Variants in GSK3B observed in about 807,000 individuals in gnomAD.
GSK3B encodes the protein glycogen synthase kinase-3 beta.
GSK3B carries 15 observed loss-of-function variants against 56.4 expected under a neutral mutation model. The observed-to-expected ratio is 0.27, with a 90% CI of 0.18 to 0.41. The LOEUF (loss-of-function observed/expected upper bound fraction) is 0.41. Among genes scored for constraint, GSK3B ranks in the 10% least tolerant of loss-of-function variants. The pLI is 1.00. For missense variants in GSK3B, 300 were observed against 513.4 expected, an observed-to-expected ratio of 0.58 and a Z score of 4.02; for synonymous variants, 181 against 188.9, an observed-to-expected ratio of 0.96 and a Z score of 0.34.
At chr3:119,985,007 T>A (rs908625742) in intron 2 of GSK3B, among the ~76,000 whole-genome samples, 13 of 152,182 alleles carry the variant, frequency 8.5e-5, no homozygotes, top group Non-Finnish European at 1.5e-4. Context: ...CCAGCAGGCT[T>A]CATCCCTGGA....
At position 119,822,156 on chromosome 3, in the gene GSK3B, ATAATGT is replaced by A. The variant is rs1169603625; in HGVS notation, c.*4626_*4631del. On this transcript the variant is annotated 3_prime_UTR_variant, in exon 11 of 11. Transcript: ENST00000264235. ...CAGTCACAGAGGCATTCAAGTAGTA[ATAATGT>A]TATACAGATTTTGCTTTTCCTTTAT... is the stretch of plus-strand genomic sequence containing the variant. 1 of 193,812 alleles carries A rather than the reference ATAATGT, an allele frequency of 5.2e-6. No individual in the cohort carries two copies. Among genetic ancestry groups the A allele is most frequent in the Non-Finnish European group, 1.1e-5 (1 of 93,552 alleles). The allele number at this position is 193,812 out of a possible 1,614,324, so 12.0% of individuals were successfully genotyped here. A position where few individuals can be genotyped will look rare whatever the true frequency, so the allele number is the denominator to read the frequency against.
At chr3:119,838,194 C>T (rs915567865) in intron 10 of GSK3B, among the ~76,000 whole-genome samples, 1 of 151,788 alleles carries the variant, frequency 6.6e-6, no homozygotes, top group South Asian at 2.1e-4. Context: ...AAGGCTGAGG[C>T]ATGAGAATCA....
chr3:119,906,672 C>G (rs2056685781), intron 6 of GSK3B, among the ~76,000 whole-genome samples: 1 of 152,016 alleles, frequency 6.6e-6, no homozygotes, highest in Non-Finnish European at 1.5e-5. Flanking sequence ...ATTAAGACTT[C>G]CTACAAGAAA....
intron 3 of GSK3B, among the ~76,000 whole-genome samples, chr3:119,927,497 G>T (rs2056899614): frequency 6.6e-6 from 1 of 152,174 alleles, no homozygotes; most frequent in Admixed American, 6.6e-5. Flanking sequence ...GAAACAAAGA[G>T]ATTGGGATTA....
At chr3:120,020,885 C>T (rs1192924389) in intron 1 of GSK3B, among the ~76,000 whole-genome samples, 1 of 152,164 alleles carries the variant, frequency 6.6e-6, no homozygotes, top group Non-Finnish European at 1.5e-5. Context: ...AGATGAATGA[C>T]AAGAAAGTAA....
chr3:120,036,702 A>G (rs926521637), intron 1 of GSK3B, among the ~76,000 whole-genome samples: 1 of 149,900 alleles, frequency 6.7e-6, no homozygotes, highest in Non-Finnish European at 1.5e-5. Context: ...CTGAGGCAAG[A>G]GAATTGCTTG....
intron 1 of GSK3B, among the ~76,000 whole-genome samples, chr3:120,068,405 A>C (rs1343086939): frequency 7.5e-6 from 1 of 133,322 alleles, no homozygotes; most frequent in Non-Finnish European, 1.6e-5. Flanking sequence ...AAAAAAAAAA[A>C]AAAAAATTTG....
intron 10 of GSK3B, among the ~76,000 whole-genome samples, chr3:119,837,774 T>A (rs932336091): frequency 6.6e-6 from 1 of 151,446 alleles, no homozygotes; most frequent in African/African-American, 2.4e-5. Flanking sequence ...TGATAATGTC[T>A]TGAGATTTAT....
chr3:119,921,197 T>C (rs2056837039), intron 4 of GSK3B, among the ~76,000 whole-genome samples: 1 of 152,210 alleles, frequency 6.6e-6, no homozygotes. Flanking sequence ...ATTATAAATT[T>C]TCGTAAATAA....
At chr3:119,887,317 A>G (rs2056447012) in intron 7 of GSK3B, among the ~76,000 whole-genome samples, 1 of 152,138 alleles carries the variant, frequency 6.6e-6, no homozygotes, top group Non-Finnish European at 1.5e-5. Context: ...CAACATTTTT[A>G]AAGAAGTAGG....
chr3:119,845,218 C>T (rs1310357312), intron 9 of GSK3B, among the ~76,000 whole-genome samples: 2 of 151,992 alleles, frequency 1.3e-5, no homozygotes, highest in East Asian at 3.9e-4. Flanking sequence ...CTGAACGTTT[C>T]AGGCAAAAGC....
At chr3:120,079,154 G>A (rs966475860) in intron 1 of GSK3B, among the ~76,000 whole-genome samples, 5 of 150,524 alleles carry the variant, frequency 3.3e-5, no homozygotes, top group African/African-American at 1.2e-4. Flanking sequence ...GTTGGCCAGG[G>A]TGGTCTCGAA....
intron 2 of GSK3B, among the ~76,000 whole-genome samples, chr3:119,980,472 C>G (rs1225921771): frequency 6.6e-6 from 1 of 152,112 alleles, no homozygotes; most frequent in African/African-American, 2.4e-5. Context: ...CCTGCCTCTG[C>G]CTCCCAAGTA....
intron 2 of GSK3B, among the ~76,000 whole-genome samples, chr3:119,959,857 C>T (rs2107504439): frequency 6.6e-6 from 1 of 152,012 alleles, no homozygotes; most frequent in South Asian, 2.1e-4. Context: ...CCGGCTTGAC[C>T]TCACATTAAT....
chr3:119,847,859 T>C (rs913660416), intron 9 of GSK3B, among the ~76,000 whole-genome samples: 1 of 152,180 alleles, frequency 6.6e-6, no homozygotes, highest in South Asian at 2.1e-4. Context: ...TGAATGAGAA[T>C]GTGTGTCTGT....
At chr3:120,056,982 A>C (rs1371570487) in intron 1 of GSK3B, among the ~76,000 whole-genome samples, 1 of 152,022 alleles carries the variant, frequency 6.6e-6, no homozygotes, top group Non-Finnish European at 1.5e-5. Flanking sequence ...GTCTCTACTA[A>C]AAAAATACAA....
intron 2 of GSK3B, among the ~76,000 whole-genome samples, chr3:119,959,950 A>C (rs1158231485): frequency 6.6e-6 from 1 of 152,022 alleles, no homozygotes; most frequent in Non-Finnish European, 1.5e-5. Context: ...GTTTTATAGA[A>C]ATAGAAATTT....
At chr3:119,846,174 A>G (rs1305736464) in intron 9 of GSK3B, among the ~76,000 whole-genome samples, 2 of 152,202 alleles carry the variant, frequency 1.3e-5, no homozygotes, top group South Asian at 2.1e-4. Context: ...ACTTAAACGT[A>G]AGACCTAAAA....
intron 3 of GSK3B, among the ~76,000 whole-genome samples, chr3:119,942,158 T>C (rs2057055246): frequency 6.6e-6 from 1 of 152,204 alleles, no homozygotes. Flanking sequence ...GTTTTTCGCT[T>C]TATTATTAAA....
Sources: gnomAD v4.1 joint callset for allele counts (sites outside exome capture counted in the v4.1 genomes callset) on GRCh38, gnomAD v4.1.1 for gene constraint, MANE v1.5 for transcripts, NCBI Gene and HGNC (gene_info 2026-07-23, HGNC 2026-07-21) for gene names.